PPFIA2: variants seen among roughly 807,000 people sequenced by gnomAD.
The protein encoded by PPFIA2 is liprin-alpha-2.
PPFIA2 carries 46 observed loss-of-function variants against 175.5 expected under a neutral mutation model. The observed-to-expected ratio is 0.26, with a 90% CI of 0.21 to 0.34. The LOEUF is 0.34. Ranked by LOEUF, PPFIA2 falls within the 10% of genes least tolerant of loss-of-function variation. The pLI is 1.00. For missense variants in PPFIA2, 1,179 were observed against 1,506.1 expected (o/e 0.78, Z 3.60); for synonymous variants, 568 against 511.4 (o/e 1.11, Z -1.49).
At chr12:81,350,302 T>G (rs1312403983) in intron 17 of PPFIA2, 1 of 152,210 alleles carries the variant, frequency 6.6e-6, no homozygotes, top group African/African-American at 2.4e-5. Context: ...TAATCAAATA[T>G]TTATGAAGCA....
At chr12:81,576,729 A>G (rs1455485226) in intron 4 of PPFIA2, among the ~76,000 whole-genome samples, 1 of 151,854 alleles carries the variant, frequency 6.6e-6, no homozygotes, top group Admixed American at 6.6e-5. Flanking sequence ...TTGCTGAACT[A>G]TACCAAAGAT....
intron 5 of PPFIA2, among the ~76,000 whole-genome samples, chr12:81,449,378 C>A (rs1313242128): frequency 6.6e-6 from 1 of 151,940 alleles, no homozygotes; most frequent in South Asian, 2.1e-4. Context: ...ATAATAAACC[C>A]CCTTTTTGGA....
intron 7 of PPFIA2, among the ~76,000 whole-genome samples, chr12:81,413,361 G>A (rs1267391689): frequency 6.6e-6 from 1 of 151,764 alleles, no homozygotes; most frequent in Non-Finnish European, 1.5e-5. Context: ...TCCATATAGA[G>A]GAATATAAGA....
intron 8 of PPFIA2, among the ~76,000 whole-genome samples, chr12:81,400,459 A>G (rs1358688973): frequency 6.6e-6 from 1 of 152,162 alleles, no homozygotes; most frequent in African/African-American, 2.4e-5. Context: ...CTAGACAATT[A>G]TTTATTAAAT....
In PPFIA2 at chr12:81,758,518, G is replaced by A; in HGVS notation, c.-110-11C>T. ...TCCTGGACCATTTCCCTAGCAACGG[G>A]AGGAGAAAGGCAGCTCAGACACACG... On this transcript the variant is annotated splice_polypyrimidine_tract_variant and intron_variant, in intron 1 of 32. Transcript: ENST00000549396. The A allele has an allele frequency of 2.2e-6, 1 of 445,796 alleles. No individual in the cohort carries two copies. Among genetic ancestry groups the A allele is most frequent in the Non-Finnish European group, 4.5e-6 (1 of 219,908 alleles). 27.6% of individuals were successfully genotyped at this position (445,796 alleles called of 1,614,324 possible).
Position 81,487,333 on chromosome 12 carries a change from C to CT in PPFIA2, c.304-29468dup, listed in dbSNP as rs2058942701. 2.6e-5 allele frequency among the ~76,000 whole-genome samples: 4 copies of CT among 151,850 alleles called. No homozygotes were observed. In the South Asian group the frequency reaches 8.3e-4, roughly 32 times the overall value. ...TGTGTTCTTGGGAAATTTAGTTTAC[C>CT]TTTTTTGTGTTTTATCTTATTAATC... On this transcript the variant is annotated intron_variant, in intron 4 of 32. Coordinates refer to ENST00000549396, the MANE Select transcript of PPFIA2 (RefSeq NM_003625.5).
intron 21 of PPFIA2, among the ~76,000 whole-genome samples, chr12:81,326,569 A>T (rs1337368410): frequency 6.6e-6 from 1 of 152,162 alleles, no homozygotes; most frequent in Non-Finnish European, 1.5e-5. Context: ...AGTAGGTCAT[A>T]AGTTCTCATT....
At chr12:81,734,807 C>T (rs1279609149) in intron 3 of PPFIA2, among the ~76,000 whole-genome samples, 1 of 151,780 alleles carries the variant, frequency 6.6e-6, no homozygotes, top group Non-Finnish European at 1.5e-5. Flanking sequence ...AAAAAGATCC[C>T]TACCCATTTG....
intron 4 of PPFIA2, among the ~76,000 whole-genome samples, chr12:81,634,645 T>C (rs928713490): frequency 6.6e-6 from 1 of 152,094 alleles, no homozygotes; most frequent in African/African-American, 2.4e-5. Flanking sequence ...CTGCATATTA[T>C]AATACAAGTT....
At chr12:81,562,702 C>T (rs1057263672) in intron 4 of PPFIA2, among the ~76,000 whole-genome samples, 26 of 150,592 alleles carry the variant, frequency 1.7e-4, no homozygotes, top group African/African-American at 6.1e-4. Context: ...AAAAAATTAG[C>T]CGGGCGTAGT....
intron 8 of PPFIA2, among the ~76,000 whole-genome samples, chr12:81,389,160 T>C (rs982481945): frequency 2.0e-5 from 3 of 148,260 alleles, no homozygotes; most frequent in African/African-American, 7.4e-5. Flanking sequence ...CACACATATA[T>C]GTATTCAGTG....
At position 81,368,708 on chromosome 12, in the gene PPFIA2, C is replaced by G; in HGVS notation, c.1482+17G>C. ...ATTGCAAAATATTCATGTGATTTTA[C>G]CCTTCTATCGTTTTACCTTTTCTTC... On this transcript the variant is annotated intron_variant, in intron 13 of 32. Transcript: ENST00000549396. The G allele has an allele frequency of 3.1e-6, 5 of 1,597,314 alleles. No individual in the cohort carries two copies. Among genetic ancestry groups the G allele is most frequent in the Non-Finnish European group, 4.3e-6 (5 of 1,172,408 alleles).
At chr12:81,640,795 A>G (rs372347631) in intron 4 of PPFIA2, among the ~76,000 whole-genome samples, 42 of 152,276 alleles carry the variant, frequency 2.8e-4, no homozygotes, top group African/African-American at 9.9e-4. Context: ...CATTAAGTAC[A>G]TAGTTATTTA....
chr12:81,574,280 G>A (rs1311306625), intron 4 of PPFIA2, among the ~76,000 whole-genome samples: 1 of 151,564 alleles, frequency 6.6e-6, no homozygotes, highest in Non-Finnish European at 1.5e-5. Flanking sequence ...GGGACATTCT[G>A]GATAAGATTC....
rs536666511 is a variant in PPFIA2 at position 81,730,918 on chromosome 12, A to C, written c.249+23055T>G. Among the ~76,000 whole-genome samples the C allele has an allele frequency of 5.5e-4, 84 of 151,674 alleles. 2 individuals carry two copies. Among genetic ancestry groups the C allele is most frequent in the Admixed American group, 2.8e-3 (42 of 15,216 alleles). On this transcript the variant is annotated intron_variant, in intron 3 of 32. Coordinates refer to ENST00000549396, the MANE Select transcript of PPFIA2 (RefSeq NM_003625.5). ...TGTTATGACAAAAAAAAAACCTAGA[A>C]ATTTCTGAGTTAGGTGCATTAGTAC...
At chr12:81,357,088 G>C (rs1019124733) in intron 16 of PPFIA2, among the ~76,000 whole-genome samples, 5 of 152,052 alleles carry the variant, frequency 3.3e-5, no homozygotes, top group Admixed American at 1.3e-4. Flanking sequence ...TGATTTCTAT[G>C]GAAGACCACA....
intron 4 of PPFIA2, among the ~76,000 whole-genome samples, chr12:81,470,765 A>G (rs1190769085): frequency 6.6e-6 from 1 of 152,214 alleles, no homozygotes; most frequent in African/African-American, 2.4e-5. Flanking sequence ...AACATTTAAC[A>G]TGATATCTGA....
rs2034584565 is a variant in PPFIA2, at chr12:81,259,214, GA to G, written c.*479del. ...CAATCCAAAAACTGTAAAAATGGTG[GA>G]ATGGTAAAATACAAACAGTACTTGG... On this transcript the variant is annotated 3_prime_UTR_variant, in exon 33 of 33. Transcript: ENST00000549396. The G allele has an allele frequency of 4.4e-6, 1 of 228,398 alleles. No individual in the cohort carries two copies. The highest frequency in any genetic ancestry group is 1.3e-4 in the East Asian group (1 of 7,502). The allele number at this position is 228,398 out of a possible 1,614,324, so 14.1% of individuals were successfully genotyped here.
chr12:81,498,042 A>C (rs921581579), intron 4 of PPFIA2, among the ~76,000 whole-genome samples: 38 of 152,312 alleles, frequency 2.5e-4, no homozygotes, highest in African/African-American at 9.1e-4. Flanking sequence ...AAAAACCTTA[A>C]GGGCTGCTGT....
Sources: gnomAD v4.1 joint callset for allele counts (sites outside exome capture counted in the v4.1 genomes callset) on GRCh38, gnomAD v4.1.1 for gene constraint, MANE v1.5 for transcripts, NCBI Gene and HGNC (gene_info 2026-07-23, HGNC 2026-07-21) for gene names.